Variants in SGCZ observed in about 807,000 individuals in gnomAD.
SGCZ encodes zeta-sarcoglycan.
SGCZ carries 40 observed loss-of-function variants against 41.3 expected under a neutral mutation model. The ratio of observed to expected loss-of-function variants is 0.97; its 90% CI spans 0.75 to 1.26. The LOEUF is 1.26. Ranked by LOEUF, SGCZ falls within the 50% of genes most tolerant of loss-of-function variation. The pLI is 0.00. For missense variants in SGCZ, 552 were observed against 369.8 expected (o/e 1.49, Z -4.04); for synonymous variants, 206 against 137.5 (o/e 1.50, Z -3.49).
chr8:14,782,586 A>T (rs1475637588), intron 1 of SGCZ, among the ~76,000 whole-genome samples: 1 of 152,180 alleles, frequency 6.6e-6, no homozygotes, highest in Non-Finnish European at 1.5e-5. Context: ...GACTCATTTC[A>T]ATACTGACAA....
intron 4 of SGCZ, among the ~76,000 whole-genome samples, chr8:14,212,958 A>G (rs1246113564): frequency 2.0e-5 from 3 of 152,124 alleles, no homozygotes; most frequent in African/African-American, 7.2e-5. Context: ...TAATAGTAGA[A>G]TGGAAATAAC....
intron 1 of SGCZ, among the ~76,000 whole-genome samples, chr8:14,813,323 T>C (rs1329558434): frequency 6.6e-6 from 1 of 152,094 alleles, no homozygotes; most frequent in Non-Finnish European, 1.5e-5. Context: ...TTTTAAGAGT[T>C]AGAAAAATAA....
chr8:14,099,421 C>A (rs1052441610), intron 7 of SGCZ, among the ~76,000 whole-genome samples: 5 of 152,134 alleles, frequency 3.3e-5, no homozygotes, highest in Non-Finnish European at 5.9e-5. Flanking sequence ...CGGCCCGGGA[C>A]TCACAAAACA....
At chr8:15,002,101 A>G (rs1296368981) in intron 1 of SGCZ, among the ~76,000 whole-genome samples, 2 of 152,280 alleles carry the variant, frequency 1.3e-5, no homozygotes, top group East Asian at 3.9e-4. Flanking sequence ...GTGCTTTAAA[A>G]TGAGAAGTAA....
At chr8:14,202,299 T>C (rs917494401) in intron 4 of SGCZ, among the ~76,000 whole-genome samples, 1 of 152,142 alleles carries the variant, frequency 6.6e-6, no homozygotes, top group East Asian at 1.9e-4. Flanking sequence ...AAGTTTGTCC[T>C]CCACAATTCT....
intron 1 of SGCZ, among the ~76,000 whole-genome samples, chr8:15,225,425 G>C (rs150472689): frequency 2.6e-5 from 4 of 152,316 alleles, no homozygotes; most frequent in African/African-American, 9.6e-5. Flanking sequence ...ACAACAGAGG[G>C]AGAGGAACTG....
intron 2 of SGCZ, among the ~76,000 whole-genome samples, chr8:14,467,198 T>TTTCCCATA (rs1801075423): frequency 6.6e-6 from 1 of 151,976 alleles, no homozygotes; most frequent in Non-Finnish European, 1.5e-5. Flanking sequence ...CTTTGTAATT[T>TTTCCCATA]TTCCCATATT....
At chr8:14,285,836 C>T (rs942118001) in intron 3 of SGCZ, among the ~76,000 whole-genome samples, 3 of 152,062 alleles carry the variant, frequency 2.0e-5, no homozygotes, top group African/African-American at 2.4e-5. Context: ...TATACTGCAA[C>T]CTTCAGGGGT....
At chr8:14,896,437 TTTTA>T (rs376530633) in intron 1 of SGCZ, among the ~76,000 whole-genome samples, 69 of 151,412 alleles carry the variant, frequency 4.6e-4, no homozygotes, top group South Asian at 1.7e-3. Flanking sequence ...GATGGAAGAC[TTTTA>T]TTTATTTATT....
At chr8:14,742,309 G>A (rs1204795412) in intron 1 of SGCZ, among the ~76,000 whole-genome samples, 1 of 151,696 alleles carries the variant, frequency 6.6e-6, no homozygotes, top group Non-Finnish European at 1.5e-5. Context: ...ACGTGCACGC[G>A]CGCTCACACA....
In SGCZ at chr8:14,714,478, T is replaced by A. The variant is rs185538115; in HGVS notation, c.40-159552A>T. On this transcript the variant is annotated intron_variant, in intron 1 of 7. Transcript: ENST00000382080. ...ACTTACATGAATTTCCGAAAAGCTA[T>A]ATGGAATATTTTTTTTCAGTGAATA... is the stretch of plus-strand genomic sequence containing the variant. Among the ~76,000 whole-genome samples, 52 of 152,326 alleles carry A rather than the reference T, an allele frequency of 3.4e-4. No individual in the cohort carries two copies. In the East Asian group the frequency reaches 9.1e-3, roughly 27 times the overall value.
chr8:14,516,686 A>G (rs1035723035), intron 2 of SGCZ, among the ~76,000 whole-genome samples: 1 of 152,056 alleles, frequency 6.6e-6, no homozygotes, highest in African/African-American at 2.4e-5. Context: ...ACTGTTTTTC[A>G]TATGAAGTGA....
chr8:14,208,778 T>C (rs1443825604), intron 4 of SGCZ, among the ~76,000 whole-genome samples: 3 of 152,326 alleles, frequency 2.0e-5, no homozygotes, highest in Non-Finnish European at 4.4e-5. Context: ...AATAATCTTA[T>C]ATTCACAACA....
intron 4 of SGCZ, among the ~76,000 whole-genome samples, chr8:14,167,493 A>C (rs892819642): frequency 4.6e-5 from 7 of 152,170 alleles, no homozygotes; most frequent in Admixed American, 1.3e-4. Flanking sequence ...CTAAAGTACC[A>C]AGACTAAACA....
chr8:14,612,285 G>C (rs935654687), intron 1 of SGCZ, among the ~76,000 whole-genome samples: 10 of 152,126 alleles, frequency 6.6e-5, no homozygotes, highest in African/African-American at 2.2e-4. Context: ...TCTCATGATA[G>C]TGAGTGAGTT....
chr8:15,231,051 A>G (rs1288221111), intron 1 of SGCZ, among the ~76,000 whole-genome samples: 6 of 152,206 alleles, frequency 3.9e-5, no homozygotes, highest in African/African-American at 1.2e-4. Context: ...CTCAAACACT[A>G]CAATCTGTTA....
intron 1 of SGCZ, among the ~76,000 whole-genome samples, chr8:14,604,524 A>T (rs1177265101): frequency 2.0e-5 from 3 of 152,084 alleles, no homozygotes; most frequent in Non-Finnish European, 4.4e-5. Context: ...GGTACAATAA[A>T]CTCTAACAAT....
chr8:14,615,519 C>T (rs1806071972), intron 1 of SGCZ, among the ~76,000 whole-genome samples: 2 of 152,096 alleles, frequency 1.3e-5, no homozygotes, highest in Admixed American at 6.5e-5. Context: ...TAAAGTTTTT[C>T]TTTTAACAAG....
intron 2 of SGCZ, among the ~76,000 whole-genome samples, chr8:14,421,827 G>A (rs542336841): frequency 9.2e-5 from 14 of 152,010 alleles, no homozygotes; most frequent in Admixed American, 3.9e-4. Context: ...TTTTATAATC[G>A]AAAGGAAAAA....
Sources: allele counts gnomAD v4.1 joint callset (sites outside exome capture counted in the v4.1 genomes callset), GRCh38; gene constraint gnomAD v4.1.1; transcripts MANE v1.5; gene names NCBI Gene and HGNC (gene_info 2026-07-23, HGNC 2026-07-21).